Variants in XRN2 observed in about 807,000 individuals in gnomAD.
XRN2 encodes DHM1-like protein.
Under a neutral mutation model 138.5 loss-of-function variants are expected in XRN2, and 44 were observed. The ratio of observed to expected loss-of-function variants is 0.32; its 90% CI spans 0.25 to 0.41. The LOEUF (loss-of-function observed/expected upper bound fraction) is 0.41. Among genes scored for constraint, XRN2 ranks in the 10% least tolerant of loss-of-function variants. The pLI is 1.00. For missense variants in XRN2, 937 were observed against 1,169.3 expected, an observed-to-expected ratio of 0.80 and a Z score of 2.90; for synonymous variants, 354 against 369.4, an observed-to-expected ratio of 0.96 and a Z score of 0.48.
At chr20:21,337,786 G>A (rs1455211324) in intron 13 of XRN2, among the ~76,000 whole-genome samples, 1 of 152,178 alleles carries the variant, frequency 6.6e-6, no homozygotes, top group African/African-American at 2.4e-5. Context: ...GGGAGTTGAG[G>A]AACAAAGACA....
intron 19 of XRN2, 84 bp downstream of exon 19, chr20:21,348,514 A>G: frequency 7.9e-7 from 1 of 1,271,528 alleles, no homozygotes; most frequent in Non-Finnish European, 1.1e-6. Flanking sequence ...TTTGCAGCTG[A>G]TAGTTAAAAC....
At position 21,381,226 on chromosome 20, in the gene XRN2, G is replaced by T. The variant is rs192945145; in HGVS notation, c.2585-768G>T. Reference sequence around the variant, plus strand: ...CTAGAGGAGGTTACTGTCCTCACATGGTGAACTCATTAGACAACTTCTGGA... The same window carrying T: ...CTAGAGGAGGTTACTGTCCTCACATTGTGAACTCATTAGACAACTTCTGGA... On this transcript the variant is annotated intron_variant, in intron 27 of 29. Coordinates refer to ENST00000377191, the MANE Select transcript of XRN2 (RefSeq NM_012255.5). 1.1e-3 allele frequency among the ~76,000 whole-genome samples: 162 copies of T among 152,154 alleles called. 1 individual carries two copies. Among genetic ancestry groups the T allele is most frequent in the African/African-American group, 3.8e-3 (156 of 41,526 alleles).
chr20:21,347,265 C>G (rs1468643339), intron 17 of XRN2, among the ~76,000 whole-genome samples: 1 of 152,164 alleles, frequency 6.6e-6, no homozygotes, highest in Non-Finnish European at 1.5e-5. Flanking sequence ...GAATGCTACG[C>G]TTTTCATAAT....
chr20:21,357,858 A>G, intron 24 of XRN2, 66 bp downstream of exon 24: 1 of 1,373,602 alleles, frequency 7.3e-7, no homozygotes, highest in Non-Finnish European at 1.0e-6. Context: ...TCCATTTTAA[A>G]AGACCTTTGA....
At chr20:21,341,310 G>T (rs1454496553) in intron 15 of XRN2, among the ~76,000 whole-genome samples, 1 of 152,206 alleles carries the variant, frequency 6.6e-6, no homozygotes, top group Non-Finnish European at 1.5e-5. Flanking sequence ...CCTTCAGTGG[G>T]CAGTTGTGAG....
In XRN2 at chr20:21,389,443, TTG is replaced by T; in HGVS notation, c.*109_*110del. 5 of 1,040,174 alleles carry T rather than the reference TTG, an allele frequency of 4.8e-6. No homozygotes were observed. The South Asian group carries it at 8.0e-5, about 17-fold the overall frequency. 64.4% of individuals were successfully genotyped at this position (1,040,174 alleles called of 1,614,324 possible). On this transcript the variant is annotated 3_prime_UTR_variant, in exon 30 of 30. Transcript: ENST00000377191. ...TAGTTTTTAATAAAACTACAGTACT[TTG>T]TGTATTTCTTTTAACTGTGTATATT...
In XRN2 at chr20:21,389,295, A is replaced by C; in HGVS notation, c.2810A>C (p.Lys937Thr). The C allele has an allele frequency of 6.2e-7, 1 of 1,613,520 alleles. No individual in the cohort carries two copies. Among genetic ancestry groups the C allele is most frequent in the Non-Finnish European group, 8.5e-7 (1 of 1,179,714 alleles). Reference sequence around the variant, plus strand: ...CAGGGATATCCCAGAGAAGGAAGGAAATACCCTTTGCCACCACCCTCAGGA... The same window carrying C: ...CAGGGATATCCCAGAGAAGGAAGGACATACCCTTTGCCACCACCCTCAGGA... ...GRQGYPREGR[K>T]YPLPPPSGRY... Residue 937 changes from lysine (K) to threonine (T), a missense_variant, in exon 30 of 30, where the codon AAA becomes ACA. Coordinates refer to ENST00000377191, the MANE Select transcript of XRN2 (RefSeq NM_012255.5).
At chr20:21,328,800 C>G in intron 4 of XRN2, 130 bp downstream of exon 4, 1 of 786,314 alleles carries the variant, frequency 1.3e-6, no homozygotes, top group Non-Finnish European at 2.0e-6. Context: ...CCAGTGTTCA[C>G]TGTTGAGGAA....
At chr20:21,381,472 G>A (rs943884975) in intron 27 of XRN2, among the ~76,000 whole-genome samples, 1 of 152,136 alleles carries the variant, frequency 6.6e-6, no homozygotes, top group African/African-American at 2.4e-5. Flanking sequence ...GAAGTGGGTG[G>A]TCCCTTCATT....
chr20:21,356,988 C>T (rs1003390516), intron 23 of XRN2, among the ~76,000 whole-genome samples: 1 of 152,020 alleles, frequency 6.6e-6, no homozygotes, highest in Non-Finnish European at 1.5e-5. Flanking sequence ...TTTCCAGAGG[C>T]CTCTCAAGAG....
At chr20:21,340,910 AGG>A in intron 15 of XRN2, 58 bp downstream of exon 15, 1 of 1,592,694 alleles carries the variant, frequency 6.3e-7, no homozygotes, top group Admixed American at 1.7e-5. Context: ...TACCTCTTGC[AGG>A]GGTGGTGTGT....
At chr20:21,339,149 A>G in intron 14 of XRN2, 61 bp downstream of exon 14, 1 of 1,509,934 alleles carries the variant, frequency 6.6e-7, no homozygotes, top group South Asian at 1.2e-5. Context: ...TATGAGGAAG[A>G]TGTTCATTAC....
intron 1 of XRN2, among the ~76,000 whole-genome samples, chr20:21,309,279 G>T (rs1352060485): frequency 1.3e-5 from 2 of 152,196 alleles, no homozygotes; most frequent in African/African-American, 2.4e-5. Context: ...AGGCCATCTG[G>T]ACTTGGAGTT....
intron 13 of XRN2, among the ~76,000 whole-genome samples, chr20:21,338,471 A>G (rs1157568350): frequency 6.6e-6 from 1 of 151,870 alleles, no homozygotes; most frequent in African/African-American, 2.4e-5. Context: ...CTTTTTTTCC[A>G]TCGGATTGAT....
intron 13 of XRN2, 81 bp downstream of exon 13, chr20:21,334,266 T>C (rs1166425962): frequency 1.8e-6 from 2 of 1,138,154 alleles, no homozygotes; most frequent in East Asian, 5.0e-5. Context: ...TTTTAATCTC[T>C]TTGAGTGTGT....
intron 23 of XRN2, among the ~76,000 whole-genome samples, chr20:21,356,962 G>C (rs1300101911): frequency 6.6e-6 from 1 of 152,034 alleles, no homozygotes; most frequent in Non-Finnish European, 1.5e-5. Flanking sequence ...TTTCTCTCTT[G>C]AGTGCACAGT....
intron 29 of XRN2, among the ~76,000 whole-genome samples, chr20:21,388,155 G>C (rs1447064022): frequency 1.3e-5 from 2 of 152,136 alleles, no homozygotes; most frequent in African/African-American, 4.8e-5. Flanking sequence ...GTGTAGTCTA[G>C]TCACCTCATT....
Position 21,356,601 on chromosome 20 carries a change from C to G in XRN2, c.2134C>G (p.Pro712Ala). Residue 712 changes from proline (P) to alanine (A), a missense_variant, in exon 23 of 30, where the codon CCT becomes GCT. Around this residue, in one of 6 missense-constraint regions of XRN2, gnomAD observed 372 missense variants for 414.4 expected, o/e 0.90. Transcript: ENST00000377191. The stretch of plus-strand genomic sequence containing the variant: ...TTTTCCACAGCCAGTGGAGGTACCC[C>G]CTGAACTATGTCATGGGATTCAAGG... ...TGSTEPVEVP[P>A]ELCHGIQGKF... is the part of the protein sequence containing the mutation. The G allele has an allele frequency of 6.2e-7, 1 of 1,613,476 alleles. No homozygotes were observed. Among genetic ancestry groups the G allele is most frequent in the South Asian group, 1.1e-5 (1 of 91,016 alleles).
intron 20 of XRN2, among the ~76,000 whole-genome samples, chr20:21,354,235 T>C (rs1251691900): frequency 4.6e-5 from 7 of 152,164 alleles, no homozygotes; most frequent in African/African-American, 9.7e-5. Context: ...TTTAAGCAAG[T>C]CTTTAAAATT....
Sources: gnomAD v4.1 joint callset for allele counts (sites outside exome capture counted in the v4.1 genomes callset) on GRCh38, gnomAD v4.1.1 for gene constraint, gnomAD v4.1.1 regional missense constraint, MANE v1.5 for transcripts, NCBI Gene and HGNC (gene_info 2026-07-23, HGNC 2026-07-21) for gene names.